SLC9D1: variants seen among roughly 807,000 people sequenced by gnomAD.
The protein encoded by SLC9D1 is putative LAG1-interacting protein.
At chr13:113,546,469 G>A in the SLC9D1 span, among the ~76,000 whole-genome samples, 1 of 152,162 alleles carries the variant, frequency 6.6e-6, no homozygotes, top group Non-Finnish European at 1.5e-5. The surrounding 1 kb of genome is among the most constrained non-coding windows in gnomAD (Gnocchi z 7.1). Context: ...GGTGGCCAGA[G>A]AAGGCAGCCC....
the SLC9D1 span, among the ~76,000 whole-genome samples, chr13:113,537,960 T>C: frequency 6.6e-6 from 1 of 152,042 alleles, no homozygotes; most frequent in Non-Finnish European, 1.5e-5. Flanking sequence ...CATGCATGTG[T>C]GTGCTTTGTG....
the SLC9D1 span, among the ~76,000 whole-genome samples, chr13:113,507,571 C>T: frequency 6.6e-5 from 10 of 152,304 alleles, no homozygotes; most frequent in East Asian, 1.9e-3. Flanking sequence ...GAAACTGCGC[C>T]GTGCATAGTG....
the SLC9D1 span, among the ~76,000 whole-genome samples, chr13:113,516,771 A>G: frequency 6.6e-6 from 1 of 152,144 alleles, no homozygotes; most frequent in Non-Finnish European, 1.5e-5. Context: ...GAAGGAGTCC[A>G]GTAAATGTGT....
At chr13:113,547,488 GCTC>G in the SLC9D1 span, 4 of 865,626 alleles carry the variant, frequency 4.6e-6, no homozygotes, top group Non-Finnish European at 7.5e-6. Flanking sequence ...AGCCGGCCCT[GCTC>G]CTCATCTCGG....
At chr13:113,520,537 G>T in the SLC9D1 span, 2 of 830,580 alleles carry the variant, frequency 2.4e-6, no homozygotes, top group Non-Finnish European at 3.8e-6. Flanking sequence ...TATTTTGGAA[G>T]TGTGTACAAT....
the SLC9D1 span, among the ~76,000 whole-genome samples, chr13:113,509,919 G>A: frequency 6.6e-5 from 10 of 152,180 alleles, no homozygotes; most frequent in Non-Finnish European, 2.9e-5. Flanking sequence ...CACTTAACCT[G>A]TGTGTGCCTC....
At chr13:113,525,754 C>T in the SLC9D1 span, among the ~76,000 whole-genome samples, 3 of 151,694 alleles carry the variant, frequency 2.0e-5, no homozygotes, top group East Asian at 3.9e-4. Flanking sequence ...TAGAACAAGC[C>T]ATCGTCGTCG....
chr13:113,505,198 A>C, the SLC9D1 span: 2 of 151,754 alleles, frequency 1.3e-5, no homozygotes, highest in African/African-American at 4.8e-5. Flanking sequence ...TAGATTCTGG[A>C]TATTAGTCCT....
the SLC9D1 span, chr13:113,528,436 T>C: frequency 6.6e-6 from 1 of 152,270 alleles, no homozygotes; most frequent in South Asian, 2.1e-4. Context: ...TCTTCCCTGC[T>C]GTCGGTAGCT....
the SLC9D1 span, among the ~76,000 whole-genome samples, chr13:113,544,896 C>T: frequency 5.5e-3 from 842 of 152,362 alleles, 6 homozygotes; most frequent in African/African-American, 0.019. Context: ...CCATAAAGCA[C>T]GAAGTGTTTT....
chr13:113,549,659 C>T, the SLC9D1 span: 21 of 1,146,716 alleles, frequency 1.8e-5, no homozygotes, highest in South Asian at 2.0e-4. Flanking sequence ...TCTAGCAGAG[C>T]GTCAGTGCAG....
the SLC9D1 span, among the ~76,000 whole-genome samples, chr13:113,512,416 G>A: frequency 6.7e-5 from 10 of 148,780 alleles, no homozygotes; most frequent in Non-Finnish European, 1.5e-4. Flanking sequence ...GGGTTGGAGT[G>A]TAGATGGAGA....
chr13:113,547,699 G>C, the SLC9D1 span, among the ~76,000 whole-genome samples: 101 of 152,320 alleles, frequency 6.6e-4, no homozygotes, highest in South Asian at 0.017. Flanking sequence ...GCTTTTTAAA[G>C]ACTGGAAAAT....
chr13:113,518,675 G>A, the SLC9D1 span, among the ~76,000 whole-genome samples: 1 of 152,158 alleles, frequency 6.6e-6, no homozygotes, highest in Non-Finnish European at 1.5e-5. Flanking sequence ...GAGATGCGGT[G>A]ACCACAAGCC....
chr13:113,538,272 TTG>T, the SLC9D1 span, among the ~76,000 whole-genome samples: 6 of 151,966 alleles, frequency 3.9e-5, no homozygotes, highest in African/African-American at 7.3e-5. Context: ...TGTGTCTGCT[TTG>T]TGTGTGGTGT....
the SLC9D1 span, among the ~76,000 whole-genome samples, chr13:113,544,696 G>T: frequency 6.6e-6 from 1 of 152,248 alleles, no homozygotes; most frequent in Non-Finnish European, 1.5e-5. Flanking sequence ...TCCACAGATG[G>T]TGCCTCCTGG....
chr13:113,524,764 T>C, the SLC9D1 span, among the ~76,000 whole-genome samples: 1 of 152,216 alleles, frequency 6.6e-6, no homozygotes, highest in African/African-American at 2.4e-5. Flanking sequence ...CCTTTCAACT[T>C]ATGCCCTTGT....
the SLC9D1 span, chr13:113,520,578 T>G: frequency 6.9e-7 from 1 of 1,457,022 alleles, no homozygotes; most frequent in Admixed American, 1.8e-5. Flanking sequence ...TACTTTTGAG[T>G]TGTCGTAGAC....
At chr13:113,503,601 T>C in the SLC9D1 span, 1 of 1,578,402 alleles carries the variant, frequency 6.3e-7, no homozygotes. Flanking sequence ...AAGGACCTCA[T>C]CAACCTGTTA....
Sources: gnomAD v4.1 joint callset for allele counts (sites outside exome capture counted in the v4.1 genomes callset) on GRCh38, gnomAD v4.1.1 for gene constraint, Gnocchi (gnomAD v3.1) non-coding constraint, MANE v1.5 for transcripts, NCBI Gene and HGNC (gene_info 2026-07-23, HGNC 2026-07-21) for gene names.